Variants in PPARGC1A observed in about 807,000 individuals in gnomAD.
PPARGC1A encodes peroxisome proliferator-activated receptor gamma coactivator 1-alpha.
In PPARGC1A, 25 loss-of-function variants were observed where a neutral mutation model predicts 88.7. That is an observed-to-expected ratio of 0.28 (90% confidence interval 0.21 to 0.39). The LOEUF is 0.39. Ranked by LOEUF, PPARGC1A falls within the 10% of genes least tolerant of loss-of-function variation. The pLI is 1.00. For missense variants in PPARGC1A, 880 were observed against 968.7 expected (o/e 0.91, Z 1.22); for synonymous variants, 363 against 355.6 (o/e 1.02, Z -0.24).
At chr4:23,994,872 C>A in the PPARGC1A span, among the ~76,000 whole-genome samples, 3 of 151,954 alleles carry the variant, frequency 2.0e-5, no homozygotes, top group East Asian at 3.9e-4. Context: ...GAAGCAAAGA[C>A]GAATTCCAGT....
chr4:24,220,643 C>T, the PPARGC1A span, among the ~76,000 whole-genome samples: 275 of 152,192 alleles, frequency 1.8e-3, 3 homozygotes, highest in Admixed American at 0.016. Context: ...AAATAATGCA[C>T]GTTCTCACTT....
the PPARGC1A span, among the ~76,000 whole-genome samples, chr4:24,390,526 G>A: frequency 1.3e-5 from 2 of 151,942 alleles, no homozygotes; most frequent in African/African-American, 4.8e-5. Flanking sequence ...TTATGCACAT[G>A]TGCACGTATA....
At chr4:24,072,545 T>A in the PPARGC1A span, among the ~76,000 whole-genome samples, 7 of 152,108 alleles carry the variant, frequency 4.6e-5, no homozygotes, top group Non-Finnish European at 1.0e-4. Context: ...GTTGGAAAGT[T>A]TTAACTTTTA....
chr4:23,929,384 A>G, the PPARGC1A span, among the ~76,000 whole-genome samples: 5 of 152,334 alleles, frequency 3.3e-5, no homozygotes, highest in African/African-American at 1.2e-4. Context: ...TGTTCCATCA[A>G]CCACCATCTT....
chr4:23,813,086 G>A lies in PPARGC1A; in HGVS notation c.1833C>T (p.Arg611=). Residue 611 remains arginine, a synonymous_variant, in exon 9 of 13, where the codon CGC becomes CGT. Transcript: ENST00000264867. ...YYYESSHYRH[R]THRNSPLYVR... is the part of the protein sequence containing the mutation. ...CATACAAGGGAGAATTTCGGTGCGT[G>A]CGGTGTCTGTAGTGGCTTGACTCAT... The A allele has an allele frequency of 3.1e-6, 5 of 1,614,132 alleles. No homozygotes were observed. The highest frequency in any genetic ancestry group is 4.2e-6 in the Non-Finnish European group (5 of 1,179,982).
chr4:24,062,866 A>AT, the PPARGC1A span, among the ~76,000 whole-genome samples: 1 of 152,102 alleles, frequency 6.6e-6, no homozygotes, highest in Non-Finnish European at 1.5e-5. Context: ...TAGTCCTTGT[A>AT]TTTTTTCCTA....
At chr4:24,064,809 C>T in the PPARGC1A span, among the ~76,000 whole-genome samples, 3 of 151,804 alleles carry the variant, frequency 2.0e-5, no homozygotes, top group Non-Finnish European at 2.9e-5. Context: ...ACTAGCTGAT[C>T]GCCCATCATA....
At chr4:23,863,908 G>A (rs1399444273) in intron 2 of PPARGC1A, among the ~76,000 whole-genome samples, 1 of 152,132 alleles carries the variant, frequency 6.6e-6, no homozygotes, top group Non-Finnish European at 1.5e-5. Flanking sequence ...CATCACGCCT[G>A]GCTAATTTTT....
chr4:23,912,224 A>T, the PPARGC1A span, among the ~76,000 whole-genome samples: 1 of 152,148 alleles, frequency 6.6e-6, no homozygotes, highest in East Asian at 1.9e-4. Flanking sequence ...AGGTCAGACC[A>T]AGAGACAGCT....
At chr4:24,122,432 T>G in the PPARGC1A span, among the ~76,000 whole-genome samples, 2,359 of 135,770 alleles carry the variant, frequency 0.017, 24 homozygotes, top group South Asian at 0.02. Context: ...TATATATATA[T>G]ATATAGAGAG....
the PPARGC1A span, among the ~76,000 whole-genome samples, chr4:24,341,217 T>TTATA: frequency 3.2e-4 from 47 of 147,906 alleles, no homozygotes; most frequent in East Asian, 4.1e-3. Flanking sequence ...ATATATATAA[T>TTATA]TATATATATA....
chr4:24,211,218 C>CT, the PPARGC1A span, among the ~76,000 whole-genome samples: 1 of 152,090 alleles, frequency 6.6e-6, no homozygotes, highest in Non-Finnish European at 1.5e-5. Context: ...TTATCATCCT[C>CT]TTCTAAACAA....
chr4:24,229,631 A>G, the PPARGC1A span, among the ~76,000 whole-genome samples: 11,786 of 151,202 alleles, frequency 0.078, 648 homozygotes, highest in African/African-American at 0.15. Flanking sequence ...TCAGGAGTTC[A>G]AGACCAGCCT....
At chr4:24,155,115 C>T in the PPARGC1A span, among the ~76,000 whole-genome samples, 1 of 142,328 alleles carries the variant, frequency 7.0e-6, no homozygotes, top group South Asian at 2.1e-4. Context: ...CTTCGAACCT[C>T]GGTTTTGTTT....
chr4:23,844,341 ATAT>A (rs1325890870), intron 2 of PPARGC1A, among the ~76,000 whole-genome samples: 1 of 138,694 alleles, frequency 7.2e-6, no homozygotes, highest in East Asian at 2.0e-4. Flanking sequence ...ACTATATTAT[ATAT>A]TATAATATAA....
At chr4:24,387,461 C>T in the PPARGC1A span, among the ~76,000 whole-genome samples, 1 of 152,164 alleles carries the variant, frequency 6.6e-6, no homozygotes, top group Non-Finnish European at 1.5e-5. Context: ...CGTGGTGGCT[C>T]ATGCCTGTAA....
At chr4:23,822,361 G>C (rs1422670060) in intron 7 of PPARGC1A, among the ~76,000 whole-genome samples, 1 of 152,024 alleles carries the variant, frequency 6.6e-6, no homozygotes, top group Non-Finnish European at 1.5e-5. Context: ...CTCCAAGTCA[G>C]GTTAGCCTAT....
chr4:24,169,515 C>A, the PPARGC1A span, among the ~76,000 whole-genome samples: 13 of 151,990 alleles, frequency 8.6e-5, no homozygotes, highest in Middle Eastern at 6.8e-3. Flanking sequence ...TCTATGCTAT[C>A]TTTGCAGTTT....
At chr4:24,047,812 G>A in the PPARGC1A span, among the ~76,000 whole-genome samples, 1 of 152,156 alleles carries the variant, frequency 6.6e-6, no homozygotes, top group Non-Finnish European at 1.5e-5. Context: ...CCTACACAGG[G>A]AAGCTATACA....
Sources: allele counts gnomAD v4.1 joint callset (sites outside exome capture counted in the v4.1 genomes callset), GRCh38; gene constraint gnomAD v4.1.1; transcripts MANE v1.5; gene names NCBI Gene and HGNC (gene_info 2026-07-23, HGNC 2026-07-21).